The following USH2A variants were observed in gnomAD, a reference collection of about 807,000 sequenced individuals.
USH2A encodes usherin, also known as Usher syndrome 2A (autosomal recessive, mild).
Under a neutral mutation model 538.9 loss-of-function variants are expected in USH2A, and 443 were observed. The ratio of observed to expected loss-of-function variants is 0.82; its 90% CI spans 0.76 to 0.89. The LOEUF (loss-of-function observed/expected upper bound fraction) is 0.89. Among genes scored for constraint, USH2A ranks in the 40% least tolerant of loss-of-function variants. The probability of loss-of-function intolerance (pLI) is 0.00; values close to 1 mark genes in which losing one functional copy is unlikely to be tolerated. For synonymous variants in USH2A, 2,413 were observed against 2,273.5 expected (o/e 1.06, Z -1.75); for missense variants, 6,633 against 6,324.8 (o/e 1.05, Z -1.65).
intron 38 of USH2A, among the ~76,000 whole-genome samples, chr1:215,904,134 A>C (rs993700616): frequency 6.6e-6 from 1 of 152,100 alleles, no homozygotes; most frequent in Admixed American, 6.6e-5. Context: ...ATTTTTGTCT[A>C]ATTTTTCTAC....
At chr1:216,276,300 C>T (rs541509842) in intron 11 of USH2A, among the ~76,000 whole-genome samples, 9 of 152,238 alleles carry the variant, frequency 5.9e-5, no homozygotes, top group Admixed American at 2.6e-4. Context: ...TTTCTGTCCT[C>T]GCACATTTTT....
intron 11 of USH2A, among the ~76,000 whole-genome samples, chr1:216,252,920 A>T (rs954056519): frequency 2.6e-5 from 4 of 152,208 alleles, no homozygotes; most frequent in Non-Finnish European, 5.9e-5. Context: ...CTTCAAGTAC[A>T]TCAACCCATA....
At chr1:215,984,906 T>TA (rs1441608588) in intron 35 of USH2A, among the ~76,000 whole-genome samples, 12 of 152,252 alleles carry the variant, frequency 7.9e-5, no homozygotes, top group African/African-American at 2.4e-4. Flanking sequence ...ATCCTTCAAT[T>TA]AAAAAGGAAA....
intron 3 of USH2A, among the ~76,000 whole-genome samples, chr1:216,390,179 G>A (rs115342015): frequency 1.9e-3 from 284 of 152,266 alleles, no homozygotes; most frequent in Non-Finnish European, 3.2e-3. Context: ...ATATGGAAAT[G>A]TGTGAGGAAA....
At chr1:216,288,599 C>T (rs573313136) in intron 11 of USH2A, among the ~76,000 whole-genome samples, 7 of 152,166 alleles carry the variant, frequency 4.6e-5, no homozygotes, top group African/African-American at 1.4e-4. Flanking sequence ...TTAATACAAT[C>T]ATTGAATTGA....
At chr1:215,904,665 T>A (rs1232307504) in intron 38 of USH2A, among the ~76,000 whole-genome samples, 2 of 152,052 alleles carry the variant, frequency 1.3e-5, no homozygotes, top group African/African-American at 4.8e-5. Context: ...AGAACTTCTC[T>A]CAAGTTTAAT....
chr1:215,636,987 T>C (rs905584466), intron 69 of USH2A, among the ~76,000 whole-genome samples: 29 of 152,090 alleles, frequency 1.9e-4, no homozygotes, highest in African/African-American at 7.0e-4. Flanking sequence ...CAGGATGGTG[T>C]CCCTTTATCC....
At chr1:215,746,604 C>A (rs1450503608) in intron 58 of USH2A, among the ~76,000 whole-genome samples, 1 of 152,122 alleles carries the variant, frequency 6.6e-6, no homozygotes, top group Non-Finnish European at 1.5e-5. Flanking sequence ...TTACTTGTTT[C>A]TATTAATCTT....
intron 11 of USH2A, among the ~76,000 whole-genome samples, chr1:216,258,171 G>A (rs1404632797): frequency 1.3e-5 from 2 of 151,950 alleles, no homozygotes; most frequent in Non-Finnish European, 2.9e-5. Flanking sequence ...TTTGTGTTTT[G>A]TTCTTGGATG....
chr1:216,110,392 AAAG>A (rs2032838293), intron 21 of USH2A, among the ~76,000 whole-genome samples: 1 of 152,194 alleles, frequency 6.6e-6, no homozygotes, highest in Non-Finnish European at 1.5e-5. Context: ...TAGCAGTAAT[AAAG>A]AAATGGATTA....
In USH2A at chr1:216,418,802, A is replaced by G. The variant is rs542197884; in HGVS notation, c.486-123T>C. 3.3e-6 allele frequency: 3 copies of G among 919,088 alleles called. No individual in the cohort carries two copies. In the Admixed American group the frequency reaches 5.8e-5, roughly 18 times the overall value. The allele number at this position is 919,088 out of a possible 1,614,324, so 56.9% of individuals were successfully genotyped here. ...ACTTTGCTCAAAATGGTGTACTATG[A>G]ATAAGTGCCTGAATGTCATTATATT... is the stretch of plus-strand genomic sequence containing the variant. On this transcript the variant is annotated intron_variant, in intron 2 of 71. Transcript: ENST00000307340.
At chr1:216,315,538 G>A (rs2037490359) in intron 9 of USH2A, among the ~76,000 whole-genome samples, 1 of 152,086 alleles carries the variant, frequency 6.6e-6, no homozygotes, top group Non-Finnish European at 1.5e-5. Flanking sequence ...TGATTACACA[G>A]GGTACACATA....
intron 13 of USH2A, among the ~76,000 whole-genome samples, chr1:216,243,734 T>C (rs1025168776): frequency 1.2e-4 from 18 of 152,186 alleles, no homozygotes; most frequent in Admixed American, 1.1e-3. Flanking sequence ...GCTCCAAATA[T>C]GTTTTCTCAG....
intron 26 of USH2A, among the ~76,000 whole-genome samples, chr1:216,079,521 G>A (rs895387502): frequency 6.6e-6 from 1 of 152,134 alleles, no homozygotes; most frequent in African/African-American, 2.4e-5. Context: ...TCAGAGAAAG[G>A]CACCAACTTA....
chr1:216,371,901 T>C (rs1379073619), intron 3 of USH2A, among the ~76,000 whole-genome samples: 5 of 152,228 alleles, frequency 3.3e-5, no homozygotes, highest in African/African-American at 4.8e-5. Flanking sequence ...ATACTGTGAT[T>C]CTTCACATAA....
chr1:216,095,693 G>A (rs2032425512), intron 22 of USH2A, among the ~76,000 whole-genome samples: 1 of 152,118 alleles, frequency 6.6e-6, no homozygotes, highest in African/African-American at 2.4e-5. Context: ...CCTTCGAGTG[G>A]CCACTGTGCG....
At chr1:215,903,479 A>C (rs1238023307) in intron 38 of USH2A, among the ~76,000 whole-genome samples, 2 of 152,160 alleles carry the variant, frequency 1.3e-5, no homozygotes, top group African/African-American at 4.8e-5. Context: ...TGTTGGAAGA[A>C]TCTAACACAG....
At chr1:215,971,249 T>C (rs767611848) in intron 35 of USH2A, among the ~76,000 whole-genome samples, 1 of 152,160 alleles carries the variant, frequency 6.6e-6, no homozygotes, top group Admixed American at 6.6e-5. Flanking sequence ...CCTCTCTTCA[T>C]AGCATTCCTA....
rs966844350 is a variant in USH2A at position 215,718,834 on chromosome 1, A to G, written c.12066+9196T>C. Among the ~76,000 whole-genome samples the G allele has an allele frequency of 3.3e-5, 5 of 152,212 alleles. No homozygotes were observed. The East Asian group carries it at 9.6e-4, about 29-fold the overall frequency. Reference sequence around the variant, plus strand: ...TAACTTCTGCCCTTCACTGCCATTTACAGCTTGCTGTCTCTGCTAAATGGC... The same window carrying G: ...TAACTTCTGCCCTTCACTGCCATTTGCAGCTTGCTGTCTCTGCTAAATGGC... On this transcript the variant is annotated intron_variant, in intron 61 of 71. Transcript: ENST00000307340.
Sources: gnomAD v4.1 joint callset for allele counts (sites outside exome capture counted in the v4.1 genomes callset) on GRCh38, gnomAD v4.1.1 for gene constraint, MANE v1.5 for transcripts, NCBI Gene and HGNC (gene_info 2026-07-23, HGNC 2026-07-21) for gene names.